CYTH3: variants seen among roughly 807,000 people sequenced by gnomAD.
CYTH3 encodes cytohesin 3.
CYTH3 carries 23 observed loss-of-function variants against 55.1 expected under a neutral mutation model. That is an observed-to-expected ratio of 0.42 (90% confidence interval 0.30 to 0.59). CYTH3 has a LOEUF of 0.59. Ranked by LOEUF, CYTH3 falls within the 20% of genes least tolerant of loss-of-function variation. CYTH3 has a pLI of 0.20. For missense variants in CYTH3, 413 were observed against 524.8 expected, an observed-to-expected ratio of 0.79 and a Z score of 2.08; for synonymous variants, 249 against 194.9, an observed-to-expected ratio of 1.28 and a Z score of -2.31.
At chr7:6,212,444 C>G (rs1445210534) in intron 1 of CYTH3, among the ~76,000 whole-genome samples, 1 of 152,204 alleles carries the variant, frequency 6.6e-6, no homozygotes, top group Non-Finnish European at 1.5e-5. Context: ...TCCCCATCCC[C>G]AGGCACCCAC....
At chr7:6,209,874 T>C (rs1264000951) in intron 1 of CYTH3, among the ~76,000 whole-genome samples, 1 of 152,120 alleles carries the variant, frequency 6.6e-6, no homozygotes, top group East Asian at 1.9e-4. Flanking sequence ...CTACATATTG[T>C]ACAATTTCAA....
rs745674808 is a variant in CYTH3, at chr7:6,190,538, G to A, written c.35-7C>T. The stretch of plus-strand genomic sequence containing the variant: ...AATGAGAGGTCTTCAGGCACTGAAA[G>A]AAGAAAAAAATAATTAACTACTTTG... On this transcript the variant is annotated splice_region_variant and splice_polypyrimidine_tract_variant and intron_variant, in intron 1 of 12. Coordinates refer to ENST00000350796, the MANE Select transcript of CYTH3 (RefSeq NM_004227.4). 12 of 1,498,530 alleles carry A rather than the reference G, an allele frequency of 8.0e-6. No individual in the cohort carries two copies. The South Asian group carries it at 1.6e-4, about 20-fold the overall frequency. The allele number at this position is 1,498,530 out of a possible 1,614,324, so 92.8% of individuals were successfully genotyped here. A position where few individuals can be genotyped will look rare whatever the true frequency, so the allele number is the denominator to read the frequency against.
intron 1 of CYTH3, among the ~76,000 whole-genome samples, chr7:6,204,861 C>A (rs1199341407): frequency 6.6e-6 from 1 of 152,156 alleles, no homozygotes; most frequent in Non-Finnish European, 1.5e-5. Flanking sequence ...AGTTAAAAAT[C>A]AATTGCAAAA....
At chr7:6,165,194 A>G in intron 12 of CYTH3, 79 bp downstream of exon 12, 1 of 1,560,070 alleles carries the variant, frequency 6.4e-7, no homozygotes, top group Non-Finnish European at 8.7e-7. Context: ...ACACGGAAGC[A>G]TCCATGTTCC....
chr7:6,255,756 CTGTT>C (rs1482493669), intron 1 of CYTH3, among the ~76,000 whole-genome samples: 45 of 126,378 alleles, frequency 3.6e-4, no homozygotes, highest in African/African-American at 1.6e-3. Flanking sequence ...GACCTTTAAT[CTGTT>C]TTTTTTTTTT....
intron 5 of CYTH3, among the ~76,000 whole-genome samples, chr7:6,175,545 CTTTTTTTT>C (rs1177188782): frequency 2.2e-5 from 2 of 89,004 alleles, no homozygotes; most frequent in African/African-American, 4.6e-5. Context: ...ACACTTTAGT[CTTTTTTTT>C]TTTTTTTTTT....
chr7:6,196,634 T>C (rs1431877615), intron 1 of CYTH3, among the ~76,000 whole-genome samples: 3 of 152,088 alleles, frequency 2.0e-5, no homozygotes. Context: ...TAATTTTCTA[T>C]GTTTTTAGTA....
chr7:6,208,435 TCC>T (rs1282676954), intron 1 of CYTH3, among the ~76,000 whole-genome samples: 1 of 152,204 alleles, frequency 6.6e-6, no homozygotes. Context: ...GACAGTTTAT[TCC>T]CCAGTTCCAT....
intron 1 of CYTH3, among the ~76,000 whole-genome samples, chr7:6,248,239 C>G (rs370431528): frequency 7.7e-4 from 115 of 150,160 alleles, no homozygotes; most frequent in Non-Finnish European, 1.3e-3. Context: ...CCCCAACCCC[C>G]CCCCAGCCAA....
rs571703007 is a variant in CYTH3 at position 6,173,760 on chromosome 7, A to C, written c.369-27T>G. On this transcript the variant is annotated intron_variant, in intron 5 of 12. Transcript: ENST00000350796. ...TGGGAAAAAAAGAAGTAAGTTTCAA[A>C]CCTAATGTACATTATCGCAATCATT... 4 of 1,326,380 alleles carry C rather than the reference A, an allele frequency of 3.0e-6. No individual in the cohort carries two copies. The South Asian group carries it at 3.5e-5, about 12-fold the overall frequency. 82.2% of individuals were successfully genotyped at this position (1,326,380 alleles called of 1,614,324 possible).
chr7:6,173,704 G>C lies in CYTH3; in HGVS notation c.398C>G (p.Ala133Gly). Residue 133 changes from alanine (A) to glycine (G), a missense_variant, in exon 6 of 13, where the codon GCC becomes GGC. Transcript: ENST00000350796. ...RDEFNIKVLQ[A>G]FVELHEFADL... is the part of the protein sequence containing the mutation. ...AGCAAACTCATGGAGTTCAACAAAGGCTTGAAGAACTTTAATATTAAATTC... is the reference window on the plus strand; with the variant it reads ...AGCAAACTCATGGAGTTCAACAAAGCCTTGAAGAACTTTAATATTAAATTC... 1 of 1,609,738 alleles carries C rather than the reference G, an allele frequency of 6.2e-7. No individual in the cohort carries two copies. The highest frequency in any genetic ancestry group is 8.5e-7 in the Non-Finnish European group (1 of 1,176,054).
intron 1 of CYTH3, among the ~76,000 whole-genome samples, chr7:6,259,792 T>TATATATATATAATATATATATATA (rs1780274310): frequency 6.7e-5 from 1 of 15,012 alleles, no homozygotes; most frequent in African/African-American, 9.3e-4. Flanking sequence ...ATAATATATA[T>TATATATATATAATATATATATATA]ATATATATAT....
At chr7:6,195,353 T>C (rs562416308) in intron 1 of CYTH3, among the ~76,000 whole-genome samples, 8 of 152,336 alleles carry the variant, frequency 5.3e-5, no homozygotes, top group Non-Finnish European at 1.0e-4. Context: ...AAATAAAATA[T>C]GCTTCACAAA....
chr7:6,222,948 T>G (rs760732171), intron 1 of CYTH3, among the ~76,000 whole-genome samples: 1 of 152,206 alleles, frequency 6.6e-6, no homozygotes. Flanking sequence ...AGTCAATCAA[T>G]CAATAATTAA....
intron 1 of CYTH3, among the ~76,000 whole-genome samples, chr7:6,251,846 G>C (rs1232663580): frequency 6.6e-6 from 1 of 152,060 alleles, no homozygotes; most frequent in Non-Finnish European, 1.5e-5. Flanking sequence ...GGCACCATTG[G>C]TATTTAATAG....
intron 6 of CYTH3, chr7:6,172,778 G>T (rs967906873): frequency 1.6e-6 from 2 of 1,274,478 alleles, no homozygotes; most frequent in Non-Finnish European, 2.0e-6. Flanking sequence ...AACGCAATCT[G>T]ATAAGCCTGA....
rs1372654097 is a variant in CYTH3 at position 6,220,918 on chromosome 7, C to T, written c.35-30387G>A. Among the ~76,000 whole-genome samples the T allele has an allele frequency of 3.9e-5, 6 of 152,030 alleles. No homozygotes were observed. The South Asian group carries it at 1.2e-3, about 32-fold the overall frequency. ...GGCAGTGGCAGGAGAATTGCTTGAACACGGGAGGCAAAGGTTGAAGTAAGT... is the reference window on the plus strand; with the variant it reads ...GGCAGTGGCAGGAGAATTGCTTGAATACGGGAGGCAAAGGTTGAAGTAAGT... On this transcript the variant is annotated intron_variant, in intron 1 of 12. Coordinates refer to ENST00000350796, the MANE Select transcript of CYTH3 (RefSeq NM_004227.4).
chr7:6,203,064 G>C (rs996885651), intron 1 of CYTH3, among the ~76,000 whole-genome samples: 2 of 152,012 alleles, frequency 1.3e-5, no homozygotes, highest in African/African-American at 2.4e-5. Context: ...AAAGCTATGA[G>C]TCACTAGATA....
intron 1 of CYTH3, among the ~76,000 whole-genome samples, chr7:6,258,672 G>A (rs1029690420): frequency 2.0e-5 from 3 of 152,266 alleles, no homozygotes; most frequent in Admixed American, 6.5e-5. Context: ...AAGGCAACAG[G>A]CAACAGAGAA....
Sources: allele counts gnomAD v4.1 joint callset (sites outside exome capture counted in the v4.1 genomes callset), GRCh38; gene constraint gnomAD v4.1.1; transcripts MANE v1.5; gene names NCBI Gene and HGNC (gene_info 2026-07-23, HGNC 2026-07-21).